HABP4: variants seen among roughly 807,000 people sequenced by gnomAD.
HABP4 encodes the protein hyaluronan binding protein 4, also known as intracellular hyaluronan-binding protein 4.
HABP4 carries 32 observed loss-of-function variants against 44.1 expected under a neutral mutation model. That is an observed-to-expected ratio of 0.73 (90% CI 0.55 to 0.97). HABP4 has a LOEUF of 0.97. Among genes scored for constraint, HABP4 ranks in the 50% least tolerant of loss-of-function variants. HABP4 has a pLI of 0.00. For synonymous variants in HABP4, 216 were observed against 218.0 expected (o/e 0.99, Z 0.08); for missense variants, 503 against 561.9 (o/e 0.90, Z 1.06).
intron 2 of HABP4, among the ~76,000 whole-genome samples, chr9:96,461,513 G>A (rs1832499116): frequency 2.0e-5 from 3 of 151,928 alleles, no homozygotes. Context: ...CCCAGAATAT[G>A]TGCACCACAT....
intron 5 of HABP4, among the ~76,000 whole-genome samples, chr9:96,480,203 A>C (rs1046836442): frequency 6.6e-6 from 1 of 151,814 alleles, no homozygotes; most frequent in East Asian, 1.9e-4. Context: ...AAAACTATCT[A>C]TCTCTATCGG....
Position 96,491,007 on chromosome 9 carries a change from C to T in HABP4, c.*969C>T, listed in dbSNP as rs2131170259. ...GGGTTGGGGGTACACCTCAGAGGTT[C>T]AGTAATTCACCTGGAGTCCCACCCT... On this transcript the variant is annotated 3_prime_UTR_variant, in exon 8 of 8. Coordinates refer to ENST00000375249, the MANE Select transcript of HABP4 (RefSeq NM_014282.4). The T allele has an allele frequency of 1.3e-5, 2 of 152,358 alleles. No homozygotes were observed. The highest frequency in any genetic ancestry group is 3.9e-4 in the East Asian group (2 of 5,186). 9.4% of individuals were successfully genotyped at this position (152,358 alleles called of 1,614,324 possible). A position where few individuals can be genotyped will look rare whatever the true frequency, so the allele number is the denominator to read the frequency against.
intron 1 of HABP4, among the ~76,000 whole-genome samples, chr9:96,451,678 A>T (rs1016692690): frequency 3.9e-5 from 6 of 152,136 alleles, no homozygotes; most frequent in African/African-American, 1.4e-4. Flanking sequence ...TATTTGTGAA[A>T]AGCTAAATCC....
intron 1 of HABP4, among the ~76,000 whole-genome samples, chr9:96,456,264 C>T (rs1047070612): frequency 5.3e-5 from 8 of 151,954 alleles, no homozygotes; most frequent in African/African-American, 1.7e-4. Flanking sequence ...AATACTTTAA[C>T]AAGGAATAAA....
chr9:96,472,649 T>G (rs997686989), intron 5 of HABP4, among the ~76,000 whole-genome samples: 1 of 152,180 alleles, frequency 6.6e-6, no homozygotes, highest in Admixed American at 6.5e-5. Flanking sequence ...TTTTTTGGTA[T>G]ATTCATCTCC....
In HABP4 at chr9:96,465,490, T is replaced by A; in HGVS notation, c.666T>A (p.Asn222Lys). 1 of 1,606,470 alleles carries A rather than the reference T, an allele frequency of 6.2e-7. No individual in the cohort carries two copies. The highest frequency in any genetic ancestry group is 2.2e-5 in the East Asian group (1 of 44,846). Residue 222 changes from asparagine (N) to lysine (K), a missense_variant, in exon 3 of 8, where the codon AAT (asparagine) becomes AAA (lysine). Transcript: ENST00000375249. ...GAGAATTTGAAAGATATGGTGGGAA[T>A]GACAAAATGTAAGTTTCTTTGTAAA... ...GKREFERYGG[N>K]DKIAVRTEDN...
In HABP4 at chr9:96,465,429, A is replaced by G; in HGVS notation, c.605A>G (p.Asn202Ser). Reference protein sequence around the residue: ...MRGRGRGGPGNRVFDAFDQRG... With the variant: ...MRGRGRGGPGSRVFDAFDQRG... ...GGCAGAGGCAGAGGTGGCCCTGGGA[A>G]CAGAGTTTTTGACGCTTTTGACCAG... The change falls in exon 3 of 8, where the codon AAC (asparagine) becomes AGC (serine). Residue 202 changes from asparagine (N) to serine (S), a missense_variant. This residue lies in a region of HABP4 where 290 missense variants were observed against 300.5 expected (regional missense o/e 0.97). Coordinates refer to ENST00000375249, the MANE Select transcript of HABP4 (RefSeq NM_014282.4). The G allele has an allele frequency of 6.2e-7, 1 of 1,612,072 alleles. No homozygotes were observed. The highest frequency in any genetic ancestry group is 8.5e-7 in the Non-Finnish European group (1 of 1,178,060).
At chr9:96,452,636 T>G (rs1445725072) in intron 1 of HABP4, among the ~76,000 whole-genome samples, 1 of 152,160 alleles carries the variant, frequency 6.6e-6, no homozygotes, top group African/African-American at 2.4e-5. Context: ...TTTTCAAGTA[T>G]GTGTTATTTC....
chr9:96,480,550 C>T (rs766668845), intron 5 of HABP4, among the ~76,000 whole-genome samples: 18 of 152,166 alleles, frequency 1.2e-4, no homozygotes, highest in Non-Finnish European at 1.9e-4. Flanking sequence ...TCTATACTTA[C>T]CACTACCTAA....
chr9:96,488,257 C>T lies in HABP4; in HGVS notation c.1168C>T (p.Pro390Ser), dbSNP rs1833011437. ...GATCAGGAGGGCAGAGAACTATGGA[C>T]CCAGAGCAGAAGTGGTGGTAGGTGT... ...GRIRRAENYG[P>S]RAEVVMQDVA... Residue 390 changes from proline (P) to serine (S), a missense_variant, in exon 7 of 8, where the codon CCC becomes TCC. By Grantham distance (74) the Pro-to-Ser change is moderately conservative (BLOSUM62 -1). Transcript: ENST00000375249. The surrounding 1 kb of genome is among the most constrained non-coding windows in gnomAD (Gnocchi z 4.6). The T allele has an allele frequency of 1.9e-6, 3 of 1,612,270 alleles. No individual in the cohort carries two copies. Among genetic ancestry groups the T allele is most frequent in the South Asian group, 2.2e-5 (2 of 91,000 alleles).
chr9:96,460,548 G>T (rs950542467), intron 2 of HABP4, among the ~76,000 whole-genome samples: 6 of 152,192 alleles, frequency 3.9e-5, no homozygotes, highest in African/African-American at 1.4e-4. Flanking sequence ...AATTGTCCCA[G>T]TGATGTCTTT....
At chr9:96,480,613 A>G (rs982455716) in intron 5 of HABP4, among the ~76,000 whole-genome samples, 3 of 152,190 alleles carry the variant, frequency 2.0e-5, no homozygotes, top group Non-Finnish European at 4.4e-5. Flanking sequence ...TCATTAGTCC[A>G]TGTTTTTTGA....
At chr9:96,452,960 A>T in intron 1 of HABP4, among the ~76,000 whole-genome samples, 1 of 70,372 alleles carries the variant, frequency 1.4e-5, no homozygotes. Flanking sequence ...TTTTTTTTTG[A>T]GACAGGCTGG....
rs574620812 is a variant in HABP4 at position 96,480,173 on chromosome 9, TCAAAA to T, written c.828-4273_828-4269del. Among the ~76,000 whole-genome samples the T allele has an allele frequency of 6.6e-5, 10 of 152,086 alleles. 1 individual carries two copies. Among genetic ancestry groups the T allele is most frequent in the Admixed American group, 2.0e-4 (3 of 15,272 alleles). On this transcript the variant is annotated intron_variant, in intron 5 of 7. Transcript: ENST00000375249. The stretch of plus-strand genomic sequence containing the variant: ...CTGGGTGACAGAGTGAGACCCTGTC[TCAAAA>T]CAAAACAAAACAAAAAAACTATCTA...
At position 96,450,512 on chromosome 9, in the gene HABP4, C is replaced by T. The variant is rs1832250661; in HGVS notation, c.233C>T (p.Ala78Val). 3.3e-6 allele frequency: 4 copies of T among 1,218,048 alleles called. No homozygotes were observed. Among genetic ancestry groups the T allele is most frequent in the Middle Eastern group, 3.2e-4 (1 of 3,128 alleles). 75.5% of individuals were successfully genotyped at this position (1,218,048 alleles called of 1,614,324 possible). Residue 78 changes from alanine (A) to valine (V), a missense_variant, in exon 1 of 8, where the codon GCC (alanine) becomes GTC (valine). Physicochemically the swap from Ala to Val is moderately conservative, Grantham distance 64. This residue lies in a region of HABP4 where 290 missense variants were observed against 300.5 expected (regional missense o/e 0.97). Transcript: ENST00000375249. The surrounding 1 kb of genome is among the most constrained non-coding windows in gnomAD (Gnocchi z 4.8). ...CGCGGCGGCAGGAGCCCAGCCGGGG[C>T]CTCGGGCCACAGAGCCGGCGCGGGC... is the stretch of plus-strand genomic sequence containing the variant. The part of the protein sequence containing the change: ...GPRGGRSPAG[A>V]SGHRAGAGGR...
At chr9:96,453,061 C>CA (rs1564157025) in intron 1 of HABP4, among the ~76,000 whole-genome samples, 2 of 146,806 alleles carry the variant, frequency 1.4e-5, no homozygotes, top group African/African-American at 5.0e-5. Context: ...GCTGGCATTA[C>CA]AGGCATCTGC....
intron 2 of HABP4, among the ~76,000 whole-genome samples, chr9:96,463,427 G>A (rs1832541621): frequency 6.6e-6 from 1 of 151,984 alleles, no homozygotes; most frequent in African/African-American, 2.4e-5. Flanking sequence ...GCTAATTTTT[G>A]TATTTTTAGT....
rs758508171 is a variant in HABP4, at chr9:96,458,502, G to T, written c.473G>T (p.Arg158Met). The T allele has an allele frequency of 6.2e-7, 1 of 1,613,594 alleles. No homozygotes were observed. The highest frequency in any genetic ancestry group is 1.7e-5 in the Admixed American group (1 of 60,020). Residue 158 changes from arginine to methionine, a missense_variant, in exon 2 of 8, where the codon AGG becomes ATG. Arg to Met is a moderately conservative substitution (Grantham distance 91). This residue lies in a region of HABP4 where 290 missense variants were observed against 300.5 expected (regional missense o/e 0.97). Coordinates refer to ENST00000375249, the MANE Select transcript of HABP4 (RefSeq NM_014282.4). ...GAATACCGACCCTATGAGACAGAGA[G>T]GCAGGCAGACTTCACAGCTGAGAAG... ...YREYRPYETE[R>M]QADFTAEKFP...
chr9:96,477,466 T>C (rs1208299495), intron 5 of HABP4, among the ~76,000 whole-genome samples: 2 of 152,222 alleles, frequency 1.3e-5, no homozygotes, highest in Non-Finnish European at 2.9e-5. Flanking sequence ...GGGTATCATA[T>C]ACCACTCATA....
Sources: gnomAD v4.1 joint callset for allele counts (sites outside exome capture counted in the v4.1 genomes callset) on GRCh38, gnomAD v4.1.1 for gene constraint, gnomAD v4.1.1 regional missense constraint, Gnocchi (gnomAD v3.1) non-coding constraint, MANE v1.5 for transcripts, NCBI Gene and HGNC (gene_info 2026-07-23, HGNC 2026-07-21) for gene names.